Variants in INO80C observed in about 807,000 individuals in gnomAD.
The protein encoded by INO80C is IES6 homolog.
A neutral mutation model predicts 17.7 loss-of-function variants in INO80C; 17 were observed. That is an observed-to-expected ratio of 0.96 (90% CI 0.66 to 1.44). The LOEUF is 1.44. Among genes scored for constraint, INO80C ranks in the 40% most tolerant of loss-of-function variants. INO80C has a pLI of 0.00. For missense variants in INO80C, 244 were observed against 245.0 expected (o/e 1.00, Z 0.03); for synonymous variants, 96 against 95.8 (o/e 1.00, Z -0.01).
At position 35,497,527 on chromosome 18, in the gene INO80C, A is replaced by G. The variant is rs1422652652; in HGVS notation, c.156+192T>C. On this transcript the variant is annotated intron_variant, in intron 1 of 4. Transcript: ENST00000334598. ...CTACTTCTTCTTCTCTCCTTACAAC[A>G]CAAGGCGTTGTAAGCCCATGTGTCC... The G allele has an allele frequency of 8.6e-6, 12 of 1,394,824 alleles. No homozygotes were observed. In the South Asian group the frequency reaches 9.3e-5, roughly 11 times the overall value. 86.4% of individuals were successfully genotyped at this position (1,394,824 alleles called of 1,614,324 possible).
intron 3 of INO80C, 32 bp downstream of exon 3, chr18:35,479,268 T>C (rs377431410): frequency 7.4e-7 from 1 of 1,345,854 alleles, no homozygotes; most frequent in Non-Finnish European, 1.1e-6. Context: ...CTCTGAACAT[T>C]ACAAACACAT....
rs1368795058 is a variant in INO80C at position 35,497,828 on chromosome 18, A to G, written c.47T>C (p.Ile16Thr). 6.2e-7 allele frequency: 1 copy of G among 1,604,152 alleles called. No homozygotes were observed. Among genetic ancestry groups the G allele is most frequent in the Non-Finnish European group, 8.5e-7 (1 of 1,174,516 alleles). Residue 16 changes from isoleucine (I) to threonine (T), a missense_variant, in exon 1 of 5, where the codon ATA (isoleucine) becomes ACA (threonine). By Grantham distance (89) the Ile-to-Thr change is moderately conservative (BLOSUM62 -1). Transcript: ENST00000334598. ...PIVATTSTPG[I>T]VRNSKKRPAS... ...CGGCCTCTTCTTGCTGTTCCGGACT[A>G]TTCCGGGAGTGGAAGTGGTGGCCAC... is the stretch of plus-strand genomic sequence containing the variant.
chr18:35,469,507 T>C (rs913241636), intron 4 of INO80C, among the ~76,000 whole-genome samples: 1 of 152,110 alleles, frequency 6.6e-6, no homozygotes, highest in African/African-American at 2.4e-5. Flanking sequence ...CATCTGTCCT[T>C]TCCTTGGCAG....
chr18:35,481,090 A>G (rs1218269910), intron 1 of INO80C, among the ~76,000 whole-genome samples: 1 of 152,190 alleles, frequency 6.6e-6, no homozygotes, highest in East Asian at 1.9e-4. Context: ...TTAAGGGTCT[A>G]GTTGGCCAGA....
At position 35,471,610 on chromosome 18, in the gene INO80C, T is replaced by A. The variant is rs192498320; in HGVS notation, c.448-2868A>T. Among the ~76,000 whole-genome samples, 395 of 152,260 alleles carry A rather than the reference T, an allele frequency of 2.6e-3. 2 individuals are homozygous for A. Among genetic ancestry groups the A allele is most frequent in the Middle Eastern group, 6.8e-3 (2 of 294 alleles). ...TTGTGCACACTATTTCTTTTTTTTT[T>A]AATTTTATTATTATTAAAGTTTTAG... On this transcript the variant is annotated intron_variant, in intron 4 of 4. Transcript: ENST00000334598.
At chr18:35,486,461 A>G (rs978416514) in intron 1 of INO80C, among the ~76,000 whole-genome samples, 4 of 152,236 alleles carry the variant, frequency 2.6e-5, no homozygotes, top group Admixed American at 2.6e-4. Flanking sequence ...AACTCAGTGA[A>G]TATACTATAA....
intron 1 of INO80C, among the ~76,000 whole-genome samples, chr18:35,483,084 C>T (rs1335819520): frequency 6.6e-6 from 1 of 152,210 alleles, no homozygotes; most frequent in South Asian, 2.1e-4. Flanking sequence ...AAAAGAGTCT[C>T]CAATTTTTCC....
chr18:35,479,331 C>T lies in INO80C; in HGVS notation c.348G>A (p.Arg116=). 6.2e-7 allele frequency: 1 copy of T among 1,613,926 alleles called. No homozygotes were observed. Among genetic ancestry groups the T allele is most frequent in the South Asian group, 1.1e-5 (1 of 91,072 alleles). ...KNLKQILASE[R]ALPWQLNDPN... Reference sequence around the variant, plus strand: ...GATCGTTCAGTTGCCACGGCAATGCCCTTTCAGAAGCGAGGATTTGTTTCA... The same window carrying T: ...GATCGTTCAGTTGCCACGGCAATGCTCTTTCAGAAGCGAGGATTTGTTTCA... Residue 116 remains arginine, a synonymous_variant, in exon 3 of 5, where the codon AGG becomes AGA. Transcript: ENST00000334598.
At chr18:35,475,958 A>G (rs1295023881) in intron 4 of INO80C, among the ~76,000 whole-genome samples, 2 of 152,148 alleles carry the variant, frequency 1.3e-5, no homozygotes, top group South Asian at 2.1e-4. Context: ...TAGCATATGT[A>G]AAAGTAAACT....
intron 3 of INO80C, 39 bp from the exon 4 acceptor site, chr18:35,478,388 G>C: frequency 1.4e-6 from 2 of 1,391,752 alleles, no homozygotes; most frequent in Non-Finnish European, 2.0e-6. Flanking sequence ...AAACTGAACT[G>C]AAAACATTCA....
chr18:35,483,826 G>A (rs949002175), intron 1 of INO80C, among the ~76,000 whole-genome samples: 10 of 152,184 alleles, frequency 6.6e-5, no homozygotes, highest in African/African-American at 2.4e-4. Context: ...GGAATGGAGA[G>A]GGAGATGGGA....
intron 1 of INO80C, among the ~76,000 whole-genome samples, chr18:35,482,662 A>G (rs2144058560): frequency 6.6e-6 from 1 of 152,086 alleles, no homozygotes; most frequent in African/African-American, 2.4e-5. Flanking sequence ...CTCAGTGCAA[A>G]TGTCAACTTT....
intron 1 of INO80C, among the ~76,000 whole-genome samples, chr18:35,492,614 T>C (rs1050802613): frequency 3.9e-5 from 6 of 152,190 alleles, no homozygotes; most frequent in Non-Finnish European, 7.4e-5. Context: ...ATTTGTTGAA[T>C]TTTTACTTTT....
intron 1 of INO80C, among the ~76,000 whole-genome samples, chr18:35,494,321 T>C (rs973350129): frequency 6.6e-6 from 1 of 152,162 alleles, no homozygotes; most frequent in African/African-American, 2.4e-5. Flanking sequence ...CAGACACTAA[T>C]CTAGGTGCAG....
intron 3 of INO80C, among the ~76,000 whole-genome samples, 184 bp from the exon 4 acceptor site, chr18:35,478,533 G>A (rs2045765713): frequency 1.3e-5 from 2 of 152,246 alleles, no homozygotes; most frequent in African/African-American, 4.8e-5. Flanking sequence ...AAGACAGTAT[G>A]TCACAGGCCA....
intron 3 of INO80C, 149 bp from the exon 4 acceptor site, chr18:35,478,498 G>T (rs1360381851): frequency 6.1e-6 from 4 of 655,596 alleles, no homozygotes; most frequent in East Asian, 2.8e-5. Flanking sequence ...ATTAACTAGA[G>T]AAGTAGGGGA....
In INO80C at chr18:35,478,269, T is replaced by C. The variant is rs761740063; in HGVS notation, c.447+13A>G. On this transcript the variant is annotated intron_variant, in intron 4 of 4. Transcript: ENST00000334598. ...TTTCCATTTAATGTTATAAGAGATA[T>C]AATCATACTCACAAGCAGACCTGAA... 6.4e-6 allele frequency: 10 copies of C among 1,554,720 alleles called. No individual in the cohort carries two copies. The East Asian group carries it at 1.8e-4, about 28-fold the overall frequency.
chr18:35,480,352 G>A (rs1252561140), intron 2 of INO80C, 101 bp downstream of exon 2: 3 of 793,202 alleles, frequency 3.8e-6, no homozygotes, highest in African/African-American at 3.4e-5. Context: ...GAGACTGAGG[G>A]AGGAGAGAAT....
At chr18:35,493,896 C>T (rs1200425824) in intron 1 of INO80C, among the ~76,000 whole-genome samples, 2 of 152,158 alleles carry the variant, frequency 1.3e-5, no homozygotes, top group East Asian at 1.9e-4. Context: ...GGGAAATTTA[C>T]GTGATGAAAG....
Sources: gnomAD v4.1 joint callset for allele counts (sites outside exome capture counted in the v4.1 genomes callset) on GRCh38, gnomAD v4.1.1 for gene constraint, MANE v1.5 for transcripts, NCBI Gene and HGNC (gene_info 2026-07-23, HGNC 2026-07-21) for gene names.